ZNF248: variants seen among roughly 807,000 people sequenced by gnomAD.
The protein encoded by ZNF248 is KRAB protein domain.
A neutral mutation model predicts 44.3 loss-of-function variants in ZNF248; 20 were observed. The ratio of observed to expected loss-of-function variants is 0.45; its 90% CI spans 0.32 to 0.66. ZNF248 has a LOEUF of 0.66. ZNF248 is among the 30% of genes least tolerant of loss of function. ZNF248 has a pLI of 0.04. For missense variants in ZNF248, 654 were observed against 677.0 expected (o/e 0.97, Z 0.38); for synonymous variants, 224 against 229.0 (o/e 0.98, Z 0.20).
At chr10:37,793,267 G>A (rs527465224) in intron 6 of ZNF248, among the ~76,000 whole-genome samples, 2 of 152,066 alleles carry the variant, frequency 1.3e-5, no homozygotes, top group East Asian at 3.9e-4. Context: ...CCTGGGAAGC[G>A]GAGGTTGCAG....
intron 6 of ZNF248, among the ~76,000 whole-genome samples, chr10:37,816,506 C>G (rs764760888): frequency 5.3e-5 from 8 of 152,334 alleles, no homozygotes; most frequent in Non-Finnish European, 1.2e-4. Context: ...GGAACAGCTT[C>G]TGAGGTCAGT....
chr10:37,857,963 C>G (rs930015752), upstream of ZNF248: 3 of 152,348 alleles, frequency 2.0e-5, no homozygotes, highest in African/African-American at 4.8e-5. Context: ...TTCAGGGCAG[C>G]GCGGGGACCC....
chr10:37,854,369 G>A (rs763002773), intron 3 of ZNF248, among the ~76,000 whole-genome samples: 5 of 151,648 alleles, frequency 3.3e-5, no homozygotes, highest in Non-Finnish European at 7.4e-5. Flanking sequence ...AAAAGACACT[G>A]GGGGGGAAAA....
intron 6 of ZNF248, among the ~76,000 whole-genome samples, chr10:37,823,683 TG>T (rs1282182854): frequency 6.6e-6 from 1 of 151,982 alleles, no homozygotes; most frequent in Non-Finnish European, 1.5e-5. Context: ...AAGCGATTCT[TG>T]TGTCTTAGCC....
chr10:37,815,434 C>T (rs1480847647), intron 6 of ZNF248, among the ~76,000 whole-genome samples: 1 of 151,946 alleles, frequency 6.6e-6, no homozygotes, highest in Non-Finnish European at 1.5e-5. Flanking sequence ...CTTCTGCTTG[C>T]TCAAATATGC....
Position 37,831,597 on chromosome 10 carries a change from T to A in ZNF248, c.*18A>T. On this transcript the variant is annotated 3_prime_UTR_variant, in exon 6 of 6. Coordinates refer to ENST00000395867, the MANE Select transcript of ZNF248 (RefSeq NM_021045.3). ...AACTGTATAACCAATTTCACAAGTG[T>A]ATGAAGGCTTCTAACATTCAGGATG... 1 of 1,607,914 alleles carries A rather than the reference T, an allele frequency of 6.2e-7. No individual in the cohort carries two copies. Among genetic ancestry groups the A allele is most frequent in the South Asian group, 1.1e-5 (1 of 90,734 alleles).
At chr10:37,820,505 T>C (rs2053288663) in intron 6 of ZNF248, 1 of 1,600,984 alleles carries the variant, frequency 6.2e-7, no homozygotes, top group Admixed American at 1.7e-5. Context: ...GGATAAGGAA[T>C]GTTGCGGTGA....
At chr10:37,766,167 C>T in the ZNF248 span, among the ~76,000 whole-genome samples, 2 of 152,254 alleles carry the variant, frequency 1.3e-5, no homozygotes, top group South Asian at 4.1e-4. Context: ...CCTCTGTAGG[C>T]TCCACCTGTG....
intron 6 of ZNF248, among the ~76,000 whole-genome samples, chr10:37,782,975 TAC>T (rs2047489487): frequency 6.6e-6 from 1 of 152,170 alleles, no homozygotes; most frequent in Non-Finnish European, 1.5e-5. Flanking sequence ...CTCCAGGGCA[TAC>T]ACCTTGGGGC....
At chr10:37,773,833 T>C (rs185795396), downstream of ZNF248, among the ~76,000 whole-genome samples, 1 of 152,300 alleles carries the variant, frequency 6.6e-6, no homozygotes, top group East Asian at 1.9e-4. Flanking sequence ...TACAGTCACA[T>C]TCTGAGGCAT....
At chr10:37,842,964 T>A (rs920055059) in intron 3 of ZNF248, among the ~76,000 whole-genome samples, 3 of 152,144 alleles carry the variant, frequency 2.0e-5, no homozygotes, top group Admixed American at 2.0e-4. Context: ...TAAAGCAAGG[T>A]TGTAAACAGC....
At chr10:37,823,294 A>G (rs1365591363) in intron 6 of ZNF248, among the ~76,000 whole-genome samples, 2 of 123,470 alleles carry the variant, frequency 1.6e-5, no homozygotes, top group African/African-American at 3.1e-5. Context: ...AGATTGCGCC[A>G]CTGCCCTCCA....
chr10:37,854,211 A>G (rs546466397), intron 3 of ZNF248, among the ~76,000 whole-genome samples: 2 of 152,370 alleles, frequency 1.3e-5, no homozygotes, highest in Non-Finnish European at 1.5e-5. Context: ...AAATGCTATC[A>G]GTCCAAAACC....
the ZNF248 span, among the ~76,000 whole-genome samples, chr10:37,763,791 TTC>T: frequency 6.6e-6 from 1 of 152,234 alleles, no homozygotes; most frequent in Non-Finnish European, 1.5e-5. Flanking sequence ...CTTTTATAAT[TTC>T]TTACACCTGT....
At chr10:37,775,610 T>A (rs1345614673), downstream of ZNF248, 1 of 152,242 alleles carries the variant, frequency 6.6e-6, no homozygotes, top group African/African-American at 2.4e-5. Context: ...AAGTTGACTA[T>A]GCAACTTTTC....
Position 37,833,103 on chromosome 10 carries a change from T to A in ZNF248, c.252A>T (p.Lys84Asn). 1 of 1,583,376 alleles carries A rather than the reference T, an allele frequency of 6.3e-7. No individual in the cohort carries two copies. ...PSQCHPERKW[K>N]VDDVLESSQE... ...GGCTGCTCTCTAACACGTCATCAACTTTCCATTTCCTTTCTAGAAATGAGA... is the reference window on the plus strand; with the variant it reads ...GGCTGCTCTCTAACACGTCATCAACATTCCATTTCCTTTCTAGAAATGAGA... The change falls in exon 6 of 6, where the codon AAA (lysine) becomes AAT (asparagine). Residue 84 changes from lysine to asparagine, a missense_variant. Transcript: ENST00000395867.
chr10:37,761,379 A>C, the ZNF248 span, among the ~76,000 whole-genome samples: 1 of 152,256 alleles, frequency 6.6e-6, no homozygotes, highest in Non-Finnish European at 1.5e-5. Context: ...ATTTCAAATT[A>C]GTGGGAAAGG....
At chr10:37,848,476 G>A (rs761801548) in intron 3 of ZNF248, among the ~76,000 whole-genome samples, 2 of 151,720 alleles carry the variant, frequency 1.3e-5, no homozygotes, top group African/African-American at 4.8e-5. Flanking sequence ...CCAACTACTC[G>A]GGAGGCTGAG....
chr10:37,829,228 TG>T lies in ZNF248; in HGVS notation c.*2386del, dbSNP rs1340178270. ...CCTCCTTCATGACAGCAGTTCTTAC[TG>T]GGCTCTGGTAACACTGTTTCCCTCC... On this transcript the variant is annotated 3_prime_UTR_variant, in exon 6 of 6. Coordinates refer to ENST00000395867, the MANE Select transcript of ZNF248 (RefSeq NM_021045.3). 1 of 985,372 alleles carries T rather than the reference TG, an allele frequency of 1.0e-6. No homozygotes were observed. 61.0% of individuals were successfully genotyped at this position (985,372 alleles called of 1,614,324 possible).
Sources: allele counts gnomAD v4.1 joint callset (sites outside exome capture counted in the v4.1 genomes callset), GRCh38; gene constraint gnomAD v4.1.1; transcripts MANE v1.5; gene names NCBI Gene and HGNC (gene_info 2026-07-23, HGNC 2026-07-21).